RAB8B: variants seen among roughly 807,000 people sequenced by gnomAD.
RAB8B encodes ras-related protein Rab-8B.
Under a neutral mutation model 32.0 loss-of-function variants are expected in RAB8B, and 11 were observed. The ratio of observed to expected loss-of-function variants is 0.34; its 90% CI spans 0.22 to 0.57. The LOEUF (loss-of-function observed/expected upper bound fraction) is 0.57. Ranked by LOEUF, RAB8B falls within the 20% of genes least tolerant of loss-of-function variation. The probability of loss-of-function intolerance (pLI) is 0.86; values close to 1 mark genes in which losing one functional copy is unlikely to be tolerated. For synonymous variants in RAB8B, 103 were observed against 89.6 expected, an observed-to-expected ratio of 1.15 and a Z score of -0.85; for missense variants, 190 against 258.5, an observed-to-expected ratio of 0.73 and a Z score of 1.82.
At chr15:63,247,842 C>T (rs1444128163) in intron 2 of RAB8B, among the ~76,000 whole-genome samples, 2 of 152,162 alleles carry the variant, frequency 1.3e-5, no homozygotes, top group Non-Finnish European at 2.9e-5. Flanking sequence ...TGTGATGAAG[C>T]TGGGATAACT....
chr15:63,260,219 C>A (rs1417490887), intron 6 of RAB8B, among the ~76,000 whole-genome samples: 1 of 152,190 alleles, frequency 6.6e-6, no homozygotes, highest in African/African-American at 2.4e-5. Flanking sequence ...AGTTAAGATT[C>A]ACAGAATAGA....
chr15:63,215,924 G>C (rs1041288502), intron 1 of RAB8B, among the ~76,000 whole-genome samples: 1 of 151,912 alleles, frequency 6.6e-6, no homozygotes, highest in Admixed American at 6.6e-5. Flanking sequence ...TGTGGTCCCA[G>C]CTACTCTGGC....
intron 1 of RAB8B, among the ~76,000 whole-genome samples, chr15:63,193,667 CG>C (rs933335522): frequency 4.1e-4 from 62 of 151,830 alleles, no homozygotes; most frequent in African/African-American, 1.4e-3. Flanking sequence ...AAAAATTAGC[CG>C]GGGGTGGCAG....
chr15:63,255,654 C>G (rs1197644868), intron 4 of RAB8B, 70 bp downstream of exon 4: 13 of 1,303,410 alleles, frequency 1.0e-5, no homozygotes, highest in African/African-American at 2.9e-5. Context: ...GCTCCTCTGT[C>G]TGCAAGGCAG....
intron 1 of RAB8B, among the ~76,000 whole-genome samples, chr15:63,225,082 A>G (rs1405270799): frequency 6.6e-6 from 1 of 152,250 alleles, no homozygotes; most frequent in Non-Finnish European, 1.5e-5. Flanking sequence ...CACAATAAAT[A>G]TAATATCGTC....
chr15:63,225,726 T>G, intron 1 of RAB8B, among the ~76,000 whole-genome samples: 1 of 152,248 alleles, frequency 6.6e-6, no homozygotes, highest in East Asian at 1.9e-4. Flanking sequence ...TTTTCATTGT[T>G]GTATTCCTCA....
chr15:63,207,640 A>G (rs1300232154), intron 1 of RAB8B, among the ~76,000 whole-genome samples: 14 of 151,650 alleles, frequency 9.2e-5, no homozygotes, highest in Non-Finnish European at 1.8e-4. Flanking sequence ...GCTCACTGCA[A>G]TCTCCGCCTC....
intron 1 of RAB8B, among the ~76,000 whole-genome samples, chr15:63,197,616 T>A (rs2037614009): frequency 6.6e-6 from 1 of 152,112 alleles, no homozygotes; most frequent in Non-Finnish European, 1.5e-5. Context: ...TCAAGTAATC[T>A]GTCTGCCTCG....
intron 5 of RAB8B, among the ~76,000 whole-genome samples, chr15:63,257,787 G>T (rs573943446): frequency 6.6e-6 from 1 of 151,816 alleles, no homozygotes; most frequent in Non-Finnish European, 1.5e-5. Context: ...AAGGCCTGGC[G>T]CAGTGGCTCA....
In RAB8B at chr15:63,259,224, A is replaced by G. The variant is rs1288810047; in HGVS notation, c.415-403A>G. On this transcript the variant is annotated intron_variant, in intron 5 of 7. Coordinates refer to ENST00000321437, the MANE Select transcript of RAB8B (RefSeq NM_016530.3). The surrounding 1 kb of genome is among the most constrained non-coding windows in gnomAD (Gnocchi z 4.4). Reference sequence around the variant, plus strand: ...AACCTCTGCCTCCTGGGTTCAAGCAATTCTCCTGCCTCAGCCTCCCGGGTA... The same window carrying G: ...AACCTCTGCCTCCTGGGTTCAAGCAGTTCTCCTGCCTCAGCCTCCCGGGTA... Among the ~76,000 whole-genome samples, 4 of 151,980 alleles carry G rather than the reference A, an allele frequency of 2.6e-5. No individual in the cohort carries two copies. Among genetic ancestry groups the G allele is most frequent in the Non-Finnish European group, 5.9e-5 (4 of 68,008 alleles).
intron 1 of RAB8B, among the ~76,000 whole-genome samples, chr15:63,197,343 T>G (rs979327007): frequency 1.3e-5 from 2 of 149,142 alleles, no homozygotes; most frequent in Admixed American, 6.7e-5. Flanking sequence ...CTTTCTTTTT[T>G]TTTTTCTTTC....
At chr15:63,204,612 T>C (rs1467680788) in intron 1 of RAB8B, among the ~76,000 whole-genome samples, 7 of 152,232 alleles carry the variant, frequency 4.6e-5, no homozygotes, top group Admixed American at 1.3e-4. Context: ...GAACAATACA[T>C]TAAATCTTAA....
chr15:63,262,707 G>A lies in RAB8B; in HGVS notation c.496G>A (p.Ala166Thr). The change falls in exon 7 of 8, where the codon GCA (alanine) becomes ACA (threonine). Residue 166 changes from alanine (A) to threonine (T), a missense_variant. Around this residue, in one of 2 missense-constraint regions of RAB8B, gnomAD observed 110 missense variants for 115.9 expected, o/e 0.95. Transcript: ENST00000321437. ...TTACCTATAGGCATTTTTTACACTT[G>A]CACGAGATATAATGACAAAACTCAA... ...ANVEEAFFTLARDIMTKLNRK... is the reference protein window; with the variant it reads ...ANVEEAFFTLTRDIMTKLNRK... The A allele has an allele frequency of 6.9e-7, 1 of 1,446,222 alleles. No homozygotes were observed. Among genetic ancestry groups the A allele is most frequent in the Non-Finnish European group, 9.1e-7 (1 of 1,093,126 alleles). 89.6% of individuals were successfully genotyped at this position (1,446,222 alleles called of 1,614,324 possible).
intron 1 of RAB8B, among the ~76,000 whole-genome samples, chr15:63,223,540 T>G (rs1345773182): frequency 6.6e-6 from 1 of 152,234 alleles, no homozygotes; most frequent in Non-Finnish European, 1.5e-5. Flanking sequence ...CTATATAAGT[T>G]TGTAGCCTAG....
intron 1 of RAB8B, among the ~76,000 whole-genome samples, chr15:63,219,306 A>G (rs1284983275): frequency 2.0e-5 from 3 of 152,004 alleles, no homozygotes; most frequent in South Asian, 4.2e-4. Flanking sequence ...AAAAAAAAAA[A>G]AAAAGAAAGA....
At chr15:63,206,711 A>G (rs772654556) in intron 1 of RAB8B, among the ~76,000 whole-genome samples, 17 of 151,784 alleles carry the variant, frequency 1.1e-4, no homozygotes, top group Admixed American at 2.6e-4. Context: ...AATCATCCTC[A>G]TTCTACATAG....
chr15:63,204,980 A>T (rs561382033), intron 1 of RAB8B, among the ~76,000 whole-genome samples: 2 of 151,944 alleles, frequency 1.3e-5, no homozygotes, highest in South Asian at 4.2e-4. Context: ...CAGCATAGGG[A>T]GACCTCATCT....
rs1180763932 is a variant in RAB8B at position 63,266,274 on chromosome 15, T to C, written c.*2655T>C. 1 of 152,588 alleles carries C rather than the reference T, an allele frequency of 6.6e-6. No individual in the cohort carries two copies. The allele number at this position is 152,588 out of a possible 1,614,324, so 9.5% of individuals were successfully genotyped here. A position where few individuals can be genotyped will look rare whatever the true frequency, so the allele number is the denominator to read the frequency against. ...AGTGATTGGACTAGACCTTTTCAAA[T>C]AGAGTCTGAGGGTATCAGACAGTGA... On this transcript the variant is annotated 3_prime_UTR_variant, in exon 8 of 8. Coordinates refer to ENST00000321437, the MANE Select transcript of RAB8B (RefSeq NM_016530.3).
At chr15:63,198,388 C>G (rs1179895926) in intron 1 of RAB8B, among the ~76,000 whole-genome samples, 1 of 152,136 alleles carries the variant, frequency 6.6e-6, no homozygotes, top group African/African-American at 2.4e-5. Flanking sequence ...TCTTGACTCT[C>G]AGGGAAAATG....
Sources: allele counts gnomAD v4.1 joint callset (sites outside exome capture counted in the v4.1 genomes callset), GRCh38; gene constraint gnomAD v4.1.1; regional missense constraint gnomAD v4.1.1; non-coding constraint Gnocchi (gnomAD v3.1); transcripts MANE v1.5; gene names NCBI Gene and HGNC (gene_info 2026-07-23, HGNC 2026-07-21).